CROCC: variants seen among roughly 807,000 people sequenced by gnomAD.
CROCC encodes the protein ciliary rootlet coiled-coil, rootletin.
Under a neutral mutation model 245.2 loss-of-function variants are expected in CROCC, and 180 were observed. The observed-to-expected ratio is 0.73, with a 90% CI of 0.65 to 0.83. CROCC has a LOEUF of 0.83. Among genes scored for constraint, CROCC ranks in the 40% least tolerant of loss-of-function variants. The probability of loss-of-function intolerance (pLI) is 0.00; values close to 1 mark genes in which losing one functional copy is unlikely to be tolerated. For synonymous variants in CROCC, 1,205 were observed against 1,241.6 expected, an observed-to-expected ratio of 0.97 and a Z score of 0.62; for missense variants, 2,688 against 2,779.4, an observed-to-expected ratio of 0.97 and a Z score of 0.74.
At chr1:16,953,537 C>T (rs1329429138) in intron 21 of CROCC, 56 bp downstream of exon 21, 8 of 1,491,750 alleles carry the variant, frequency 5.4e-6, no homozygotes, top group African/African-American at 2.8e-5. Context: ...AGTTCTGGGG[C>T]CGGGCCCTGC....
At chr1:16,933,263 C>T (rs1443983324) in intron 8 of CROCC, among the ~76,000 whole-genome samples, 5 of 152,246 alleles carry the variant, frequency 3.3e-5, no homozygotes, top group African/African-American at 9.6e-5. Context: ...GTCAGGAGTT[C>T]GAGACCAGCC....
At chr1:16,951,722 C>T (rs2076162507) in intron 20 of CROCC, among the ~76,000 whole-genome samples, 1 of 152,206 alleles carries the variant, frequency 6.6e-6, no homozygotes, top group Admixed American at 6.5e-5. Context: ...CCAGAGTGGC[C>T]CTCGGGACAG....
At chr1:16,958,198 C>T (rs1376481044) in intron 25 of CROCC, among the ~76,000 whole-genome samples, 2 of 152,186 alleles carry the variant, frequency 1.3e-5, no homozygotes, top group African/African-American at 2.4e-5. Context: ...GTTAATATAA[C>T]TGAAGTGCTT....
In CROCC at chr1:16,965,771, G is replaced by A. The variant is rs2076405692; in HGVS notation, c.4454G>A (p.Gly1485Glu). 6.2e-7 allele frequency: 1 copy of A among 1,613,860 alleles called. No individual in the cohort carries two copies. The highest frequency in any genetic ancestry group is 8.5e-7 in the Non-Finnish European group (1 of 1,180,012). Residue 1485 changes from glycine to glutamate, a missense_variant, in exon 28 of 37, where the codon GGG becomes GAG. This residue lies in a region of CROCC where 1,218 missense variants were observed against 1,286.3 expected (regional missense o/e 0.95). Coordinates refer to ENST00000375541, the MANE Select transcript of CROCC (RefSeq NM_014675.5). Reference protein sequence around the residue: ...NSPSTLECSPGSQPPSPGPAT... With the variant: ...NSPSTLECSPESQPPSPGPAT... ...CCCAGCACCTTAGAATGCAGCCCTG[G>A]GTCCCAGCCACCATCTCCAGGACCT...
chr1:16,936,400 TG>T (rs1302153460), intron 8 of CROCC, among the ~76,000 whole-genome samples: 1 of 152,290 alleles, frequency 6.6e-6, no homozygotes, highest in African/African-American at 2.4e-5. Context: ...CCCAAGCGGC[TG>T]GGACTACAGA....
chr1:16,930,752 G>C (rs1358038865), intron 7 of CROCC, among the ~76,000 whole-genome samples, 158 bp downstream of exon 7: 1 of 152,282 alleles, frequency 6.6e-6, no homozygotes, highest in African/African-American at 2.4e-5. Flanking sequence ...GTCTTTATCA[G>C]TGTGTAGCAT....
chr1:16,929,208 G>A (rs1180449413), intron 3 of CROCC, among the ~76,000 whole-genome samples: 1 of 152,292 alleles, frequency 6.6e-6, no homozygotes, highest in African/African-American at 2.4e-5. Context: ...GTGTATATGA[G>A]GGGGTTCCTT....
At chr1:16,919,124 A>G (rs1223610639), upstream of CROCC, among the ~76,000 whole-genome samples, 75 of 152,374 alleles carry the variant, frequency 4.9e-4, no homozygotes, top group African/African-American at 1.7e-3. Flanking sequence ...TTGGTTTTCC[A>G]TTTGCAGGGC....
intron 3 of CROCC, among the ~76,000 whole-genome samples, chr1:16,929,259 T>G (rs1221413968): frequency 6.6e-6 from 1 of 152,296 alleles, no homozygotes. Context: ...GTATGTGTTA[T>G]GTGTGTGCAT....
At chr1:16,923,363 CGGGCCCCCTCCTT>C (rs1399551777) in intron 2 of CROCC, among the ~76,000 whole-genome samples, 7 of 152,368 alleles carry the variant, frequency 4.6e-5, no homozygotes, top group African/African-American at 1.4e-4. Flanking sequence ...AAGCTACAGA[CGGGCCCCCTCCTT>C]GGGAGCGCCA....
upstream of CROCC, among the ~76,000 whole-genome samples, chr1:16,920,655 C>T (rs567420690): frequency 6.6e-5 from 10 of 152,334 alleles, no homozygotes; most frequent in African/African-American, 2.4e-4. Context: ...AGCACTAGAG[C>T]ACATAGCCTC....
intron 30 of CROCC, among the ~76,000 whole-genome samples, chr1:16,967,228 C>T (rs933012253): frequency 5.3e-5 from 8 of 152,140 alleles, no homozygotes; most frequent in Non-Finnish European, 1.0e-4. Flanking sequence ...TGTTTTATGT[C>T]TCTGTAGTTC....
Position 16,924,488 on chromosome 1 carries a change from C to A in CROCC, c.351+9C>A. 1 of 1,610,080 alleles carries A rather than the reference C, an allele frequency of 6.2e-7. No individual in the cohort carries two copies. On this transcript the variant is annotated intron_variant, in intron 3 of 36. Coordinates refer to ENST00000375541, the MANE Select transcript of CROCC (RefSeq NM_014675.5). Reference sequence around the variant, plus strand: ...ATGCGGTCAGCGAGAGGGTGGGTGCCGCCCAGGTGGTGGACTAGGCCAGGG... The same window carrying A: ...ATGCGGTCAGCGAGAGGGTGGGTGCAGCCCAGGTGGTGGACTAGGCCAGGG...
intron 27 of CROCC, among the ~76,000 whole-genome samples, chr1:16,961,943 T>G (rs1570701294): frequency 6.6e-6 from 1 of 152,322 alleles, no homozygotes; most frequent in African/African-American, 2.4e-5. Context: ...TTATCTGATT[T>G]TCTGAGCTTC....
chr1:16,916,955 TA>T (rs2075312137), upstream of CROCC, among the ~76,000 whole-genome samples: 1 of 152,292 alleles, frequency 6.6e-6, no homozygotes, highest in Non-Finnish European at 1.5e-5. Context: ...CTGTCTCTAC[TA>T]AAAATACAAA....
At chr1:16,942,426 AAGAC>A (rs1181926580) in intron 13 of CROCC, among the ~76,000 whole-genome samples, 1 of 152,296 alleles carries the variant, frequency 6.6e-6, no homozygotes, top group Admixed American at 6.5e-5. Flanking sequence ...TAGGAATAAA[AAGAC>A]AGCGCCTTCT....
chr1:16,931,111 G>C (rs1163748828), intron 7 of CROCC, among the ~76,000 whole-genome samples, 180 bp from the exon 8 acceptor site: 1 of 152,294 alleles, frequency 6.6e-6, no homozygotes, highest in African/African-American at 2.4e-5. Context: ...GTGCAGGAGG[G>C]AGCCATGAGG....
At chr1:16,958,069 G>A (rs1312320825) in intron 25 of CROCC, among the ~76,000 whole-genome samples, 3 of 152,212 alleles carry the variant, frequency 2.0e-5, no homozygotes, top group Admixed American at 6.5e-5. Context: ...AGTCTGGTGT[G>A]TGTGGGCTGT....
intron 9 of CROCC, 99 bp downstream of exon 9, chr1:16,936,972 C>G: frequency 6.4e-6 from 8 of 1,257,888 alleles, no homozygotes; most frequent in Non-Finnish European, 9.0e-6. Flanking sequence ...GGGGAAGGGC[C>G]TTCCTCTGTG....
Sources: allele counts gnomAD v4.1 joint callset (sites outside exome capture counted in the v4.1 genomes callset), GRCh38; gene constraint gnomAD v4.1.1; regional missense constraint gnomAD v4.1.1; transcripts MANE v1.5; gene names NCBI Gene and HGNC (gene_info 2026-07-23, HGNC 2026-07-21).